Variants in RBM33 observed in about 807,000 individuals in gnomAD.
The protein encoded by RBM33 is RNA-binding protein 33.
In RBM33, 28 loss-of-function variants were observed where a neutral mutation model predicts 132.6. The observed-to-expected ratio is 0.21, with a 90% CI of 0.16 to 0.29. The LOEUF (loss-of-function observed/expected upper bound fraction) is 0.29, where lower values mean the gene tolerates loss of function less well. Among genes scored for constraint, RBM33 ranks in the 10% least tolerant of loss-of-function variants. RBM33 has a pLI of 1.00. For synonymous variants in RBM33, 634 were observed against 593.0 expected (o/e 1.07, Z -1.01); for missense variants, 1,291 against 1,518.5 (o/e 0.85, Z 2.49).
intron 1 of RBM33, 45 bp downstream of exon 1, chr7:155,644,964 T>TGGGCGGGGGTGTA (rs1355161357): frequency 7.0e-7 from 1 of 1,430,902 alleles, no homozygotes; most frequent in African/African-American, 1.5e-5. Context: ...CGCGCCGCGG[T>TGGGCGGGGGTGTA]GGGCGGGGGT....
chr7:155,651,394 AT>A (rs1410464083), intron 1 of RBM33, among the ~76,000 whole-genome samples: 1 of 152,028 alleles, frequency 6.6e-6, no homozygotes, highest in Non-Finnish European at 1.5e-5. Flanking sequence ...ATTCCTAATC[AT>A]TTTTTATGTG....
chr7:155,743,353 A>G (rs1801411614), intron 13 of RBM33, among the ~76,000 whole-genome samples: 1 of 152,258 alleles, frequency 6.6e-6, no homozygotes, highest in African/African-American at 2.4e-5. Context: ...CACATTCATA[A>G]TAACAGGGCT....
intron 5 of RBM33, among the ~76,000 whole-genome samples, chr7:155,689,806 G>A (rs1353541204): frequency 1.3e-5 from 2 of 152,186 alleles, no homozygotes; most frequent in Non-Finnish European, 2.9e-5. Flanking sequence ...TTAATCCTAA[G>A]TTCTAGTTTG....
At chr7:155,667,231 G>A (rs1345374806) in intron 2 of RBM33, among the ~76,000 whole-genome samples, 1 of 152,142 alleles carries the variant, frequency 6.6e-6, no homozygotes, top group East Asian at 1.9e-4. Flanking sequence ...AAGTTTATCA[G>A]ACATCCAGTT....
At chr7:155,706,087 G>C (rs1403742892) in intron 6 of RBM33, among the ~76,000 whole-genome samples, 1 of 152,182 alleles carries the variant, frequency 6.6e-6, no homozygotes, top group Non-Finnish European at 1.5e-5. Context: ...TTGTGTTCTT[G>C]CGTCTATGTG....
At chr7:155,723,895 A>G (rs978347293) in intron 9 of RBM33, among the ~76,000 whole-genome samples, 6 of 152,208 alleles carry the variant, frequency 3.9e-5, no homozygotes, top group Admixed American at 1.3e-4. Context: ...ATGCATACCA[A>G]GGGAGGGCTG....
chr7:155,773,804 C>T (rs888751614), intron 16 of RBM33, among the ~76,000 whole-genome samples: 4 of 152,072 alleles, frequency 2.6e-5, no homozygotes, highest in Admixed American at 2.6e-4. Flanking sequence ...AAAGCAGCTC[C>T]CCCTCTTCCT....
At chr7:155,691,374 CT>C (rs1305713659) in intron 5 of RBM33, among the ~76,000 whole-genome samples, 1 of 152,096 alleles carries the variant, frequency 6.6e-6, no homozygotes, top group African/African-American at 2.4e-5. Flanking sequence ...TTCGTCTAAT[CT>C]TTTTTCAAGG....
At chr7:155,690,638 C>G (rs1394281884) in intron 5 of RBM33, among the ~76,000 whole-genome samples, 1 of 152,112 alleles carries the variant, frequency 6.6e-6, no homozygotes, top group Non-Finnish European at 1.5e-5. Context: ...CTGCTTTCTT[C>G]AGGAACTCTT....
intron 1 of RBM33, among the ~76,000 whole-genome samples, chr7:155,653,742 A>G (rs1798418181): frequency 6.6e-6 from 1 of 152,108 alleles, no homozygotes; most frequent in South Asian, 2.1e-4. Context: ...CTTCATTTGT[A>G]TCCTTTATAA....
intron 8 of RBM33, among the ~76,000 whole-genome samples, chr7:155,716,879 T>C (rs1800476878): frequency 6.6e-6 from 1 of 152,216 alleles, no homozygotes; most frequent in African/African-American, 2.4e-5. Flanking sequence ...CTGCCATTTT[T>C]ACATTTTATA....
chr7:155,652,521 G>C (rs1370512229), intron 1 of RBM33, among the ~76,000 whole-genome samples: 1 of 152,128 alleles, frequency 6.6e-6, no homozygotes, highest in Non-Finnish European at 1.5e-5. Flanking sequence ...TCCAAGTCGA[G>C]GATTCTGGAA....
At chr7:155,743,862 C>T (rs1430377959) in intron 13 of RBM33, among the ~76,000 whole-genome samples, 2 of 152,284 alleles carry the variant, frequency 1.3e-5, no homozygotes, top group Admixed American at 1.3e-4. Flanking sequence ...TCTGCTTCCC[C>T]GATGCCCATG....
chr7:155,659,519 G>T (rs1450062395), intron 1 of RBM33, among the ~76,000 whole-genome samples: 5 of 152,000 alleles, frequency 3.3e-5, no homozygotes, highest in Non-Finnish European at 7.4e-5. Context: ...AAACTTGAAG[G>T]TCAATTGAGA....
At chr7:155,766,339 T>C in intron 15 of RBM33, 128 bp from the exon 16 acceptor site, 1 of 1,067,708 alleles carries the variant, frequency 9.4e-7, no homozygotes, top group Non-Finnish European at 1.3e-6. Context: ...GATAGAAAAC[T>C]ACAGAAAATC....
chr7:155,772,864 T>G (rs1802476284), intron 16 of RBM33, among the ~76,000 whole-genome samples: 1 of 152,232 alleles, frequency 6.6e-6, no homozygotes, highest in Non-Finnish European at 1.5e-5. Flanking sequence ...TAAACGCTGT[T>G]GTAGAAGCAC....
chr7:155,650,980 C>T (rs575345548), intron 1 of RBM33, among the ~76,000 whole-genome samples: 2 of 152,232 alleles, frequency 1.3e-5, no homozygotes, highest in African/African-American at 2.4e-5. Context: ...TGGGTTCAAG[C>T]GATTCTTCAG....
intron 5 of RBM33, among the ~76,000 whole-genome samples, chr7:155,698,981 A>G (rs1002846595): frequency 6.6e-6 from 1 of 152,252 alleles, no homozygotes; most frequent in African/African-American, 2.4e-5. Flanking sequence ...CTATTTGAAC[A>G]TAAGGTATCA....
intron 3 of RBM33, among the ~76,000 whole-genome samples, chr7:155,673,581 TGTATATATATATACACAC>T (rs1799029573): frequency 1.2e-5 from 1 of 81,272 alleles, no homozygotes; most frequent in African/African-American, 6.7e-5. Flanking sequence ...CATACACACG[TGTATATATATATACACAC>T]ATATACATAC....
Sources: allele counts gnomAD v4.1 joint callset (sites outside exome capture counted in the v4.1 genomes callset), GRCh38; gene constraint gnomAD v4.1.1; transcripts MANE v1.5; gene names NCBI Gene and HGNC (gene_info 2026-07-23, HGNC 2026-07-21).